Variants in NCAM2 observed in about 807,000 individuals in gnomAD.
The protein encoded by NCAM2 is neural cell adhesion molecule 2.
A neutral mutation model predicts 98.1 loss-of-function variants in NCAM2; 30 were observed. That is an observed-to-expected ratio of 0.31 (90% confidence interval 0.23 to 0.41). The LOEUF (loss-of-function observed/expected upper bound fraction) is 0.41, where lower values mean the gene tolerates loss of function less well. Ranked by LOEUF, NCAM2 falls within the 10% of genes least tolerant of loss-of-function variation. NCAM2 has a pLI of 1.00. For missense variants in NCAM2, 867 were observed against 1,005.8 expected (o/e 0.86, Z 1.87); for synonymous variants, 368 against 342.4 (o/e 1.07, Z -0.83).
At chr21:21,309,131 G>A (rs537659546) in intron 5 of NCAM2, among the ~76,000 whole-genome samples, 4 of 152,198 alleles carry the variant, frequency 2.6e-5, no homozygotes, top group Non-Finnish European at 5.9e-5. Flanking sequence ...TAATGTTATT[G>A]TGTACTATCA....
At chr21:21,196,360 C>T (rs942417256) in intron 1 of NCAM2, among the ~76,000 whole-genome samples, 11 of 152,194 alleles carry the variant, frequency 7.2e-5, no homozygotes, top group African/African-American at 2.4e-4. Flanking sequence ...TGAGCCATTT[C>T]GGTTCCACAG....
chr21:21,108,076 CAT>C (rs1569030643), intron 1 of NCAM2, among the ~76,000 whole-genome samples: 1 of 151,954 alleles, frequency 6.6e-6, no homozygotes, highest in Non-Finnish European at 1.5e-5. Flanking sequence ...TATAACTAAA[CAT>C]GTAATTTAAT....
At chr21:21,427,434 G>A (rs1465468705) in intron 11 of NCAM2, among the ~76,000 whole-genome samples, 1 of 152,150 alleles carries the variant, frequency 6.6e-6, no homozygotes, top group East Asian at 1.9e-4. Flanking sequence ...CGTGATAGCT[G>A]TCCAAGACAT....
At chr21:21,267,210 T>C (rs1281208003) in intron 1 of NCAM2, among the ~76,000 whole-genome samples, 1 of 152,170 alleles carries the variant, frequency 6.6e-6, no homozygotes, top group Non-Finnish European at 1.5e-5. Context: ...TTTGATACTA[T>C]TACAATTTTT....
chr21:21,309,710 C>T (rs1025198765), intron 5 of NCAM2, among the ~76,000 whole-genome samples: 5 of 152,168 alleles, frequency 3.3e-5, no homozygotes, highest in African/African-American at 1.2e-4. Flanking sequence ...CCAATATCCA[C>T]TTCTCTGTAC....
At chr21:21,418,700 A>C in intron 11 of NCAM2, 131 bp downstream of exon 11, 1 of 728,744 alleles carries the variant, frequency 1.4e-6, no homozygotes, top group Non-Finnish European at 2.4e-6. Flanking sequence ...TATCAGGTAG[A>C]CTGTGGTTAC....
At chr21:21,363,609 T>C (rs1025049510) in intron 8 of NCAM2, among the ~76,000 whole-genome samples, 3 of 152,150 alleles carry the variant, frequency 2.0e-5, no homozygotes, top group Non-Finnish European at 4.4e-5. Flanking sequence ...TAGTGTTTTA[T>C]TAATCATCTG....
At chr21:21,063,464 AC>A (rs1374198620) in intron 1 of NCAM2, among the ~76,000 whole-genome samples, 19 of 151,210 alleles carry the variant, frequency 1.3e-4, no homozygotes, top group African/African-American at 4.6e-4. Flanking sequence ...CAAGTGATCC[AC>A]CCGCCTCAGC....
chr21:21,228,415 A>G (rs1284243276), intron 1 of NCAM2, among the ~76,000 whole-genome samples: 1 of 151,448 alleles, frequency 6.6e-6, no homozygotes, highest in African/African-American at 2.4e-5. Context: ...TTGTTATTGC[A>G]GTGACTGTAA....
chr21:21,036,593 C>G (rs1233452824), intron 1 of NCAM2, among the ~76,000 whole-genome samples: 1 of 152,104 alleles, frequency 6.6e-6, no homozygotes, highest in Non-Finnish European at 1.5e-5. Context: ...ATGGTTGACA[C>G]TAAAATACTC....
At chr21:21,378,000 C>T (rs115927507) in intron 9 of NCAM2, among the ~76,000 whole-genome samples, 24 of 152,058 alleles carry the variant, frequency 1.6e-4, no homozygotes, top group African/African-American at 5.8e-4. Context: ...CCATGTTGTG[C>T]AAATGACAAG....
At chr21:21,485,583 C>G (rs1180352487) in intron 15 of NCAM2, among the ~76,000 whole-genome samples, 2 of 152,168 alleles carry the variant, frequency 1.3e-5, no homozygotes, top group Non-Finnish European at 2.9e-5. Context: ...TGTGAATATG[C>G]AATTTTCACT....
At chr21:21,049,803 G>A (rs532165334) in intron 1 of NCAM2, among the ~76,000 whole-genome samples, 8 of 151,962 alleles carry the variant, frequency 5.3e-5, no homozygotes, top group South Asian at 2.1e-4. Flanking sequence ...CCTGGGAGGC[G>A]GAGGTTGCAG....
chr21:21,152,550 G>A (rs549475266), intron 1 of NCAM2, among the ~76,000 whole-genome samples: 1 of 151,888 alleles, frequency 6.6e-6, no homozygotes, highest in African/African-American at 2.4e-5. Flanking sequence ...ACATTTCAGG[G>A]TTAAGATGAT....
chr21:21,327,014 A>G (rs2074533017), intron 6 of NCAM2, among the ~76,000 whole-genome samples: 1 of 152,194 alleles, frequency 6.6e-6, no homozygotes, highest in African/African-American at 2.4e-5. Flanking sequence ...CAGTTGTACT[A>G]GTCAGCTTGG....
At chr21:21,140,157 A>G (rs1207651727) in intron 1 of NCAM2, among the ~76,000 whole-genome samples, 1 of 152,222 alleles carries the variant, frequency 6.6e-6, no homozygotes, top group Non-Finnish European at 1.5e-5. Context: ...TTAAGTCATT[A>G]CAATTGGTAT....
chr21:21,364,546 A>G (rs1245783123), intron 8 of NCAM2, among the ~76,000 whole-genome samples: 1 of 152,014 alleles, frequency 6.6e-6, no homozygotes, highest in East Asian at 1.9e-4. Context: ...GTTAACATGT[A>G]TTTAGCATAA....
chr21:21,274,164 T>TGA (rs2072633785), intron 1 of NCAM2, among the ~76,000 whole-genome samples: 3 of 143,152 alleles, frequency 2.1e-5, no homozygotes. Context: ...AAACTCTGTC[T>TGA]GAAAAAAAAA....
chr21:21,070,165 A>G (rs1280639429), intron 1 of NCAM2, among the ~76,000 whole-genome samples: 1 of 152,020 alleles, frequency 6.6e-6, no homozygotes. Context: ...CAAGCTCCAG[A>G]CATATTACTA....
Sources: allele counts gnomAD v4.1 joint callset (sites outside exome capture counted in the v4.1 genomes callset), GRCh38; gene constraint gnomAD v4.1.1; transcripts MANE v1.5; gene names NCBI Gene and HGNC (gene_info 2026-07-23, HGNC 2026-07-21).